The following MYH11 variants were observed in gnomAD, a reference collection of about 807,000 sequenced individuals.
MYH11 encodes the protein myosin-11.
Under a neutral mutation model 246.6 loss-of-function variants are expected in MYH11, and 80 were observed. The ratio of observed to expected loss-of-function variants is 0.32; its 90% CI spans 0.27 to 0.39. MYH11 has a LOEUF of 0.39. Among genes scored for constraint, MYH11 ranks in the 10% least tolerant of loss-of-function variants. The pLI, the probability that MYH11 is intolerant of heterozygous loss-of-function variation, is 1.00. For missense variants in MYH11, 2,158 were observed against 2,546.8 expected (o/e 0.85, Z 3.29); for synonymous variants, 1,071 against 1,015.5 (o/e 1.05, Z -1.04).
In MYH11 at chr16:15,740,143, G is replaced by T; in HGVS notation, c.2905C>A (p.Leu969Met). The stretch of plus-strand genomic sequence containing the variant: ...TCAGCCGTGACCTTCTCAAGTTGCA[G>T]CTTCTGCCTGGCAGCTTCCTCCTCC... ...LEEEEAARQKLQLEKVTAEAK... is the reference protein window; with the variant it reads ...LEEEEAARQKMQLEKVTAEAK... The change falls in exon 23 of 41, where the codon CTG becomes ATG. Residue 969 changes from leucine (L) to methionine (M), a missense_variant. Around this residue, in one of 11 missense-constraint regions of MYH11, gnomAD observed 284 missense variants for 315.4 expected, o/e 0.90. Transcript: ENST00000300036. 6.2e-7 allele frequency: 1 copy of T among 1,614,214 alleles called. No individual in the cohort carries two copies. Among genetic ancestry groups the T allele is most frequent in the Non-Finnish European group, 8.5e-7 (1 of 1,180,028 alleles).
intron 15 of MYH11, among the ~76,000 whole-genome samples, chr16:15,751,649 T>C (rs2041576078): frequency 6.8e-6 from 1 of 146,856 alleles, no homozygotes; most frequent in Non-Finnish European, 1.5e-5. Flanking sequence ...GCTCTCACTC[T>C]GTCGCCCAGC....
chr16:15,766,773 T>G (rs757943214), intron 9 of MYH11, among the ~76,000 whole-genome samples: 4 of 152,144 alleles, frequency 2.6e-5, no homozygotes, highest in Non-Finnish European at 5.9e-5. Flanking sequence ...CTGGTATAGT[T>G]AAATGTAATT....
chr16:15,821,966 A>T (rs547418055), intron 3 of MYH11, among the ~76,000 whole-genome samples: 1 of 151,706 alleles, frequency 6.6e-6, no homozygotes, highest in Non-Finnish European at 1.5e-5. Flanking sequence ...AGGAGCCATC[A>T]CTTTACAACC....
intron 2 of MYH11, among the ~76,000 whole-genome samples, chr16:15,835,733 TG>T (rs1473219488): frequency 1.3e-5 from 2 of 149,894 alleles, no homozygotes; most frequent in Non-Finnish European, 2.9e-5. Flanking sequence ...ACCCACTCCA[TG>T]AAGCTGGTAC....
intron 7 of MYH11, among the ~76,000 whole-genome samples, chr16:15,776,439 G>A (rs1029081023): frequency 6.6e-6 from 1 of 152,156 alleles, no homozygotes; most frequent in Non-Finnish European, 1.5e-5. Flanking sequence ...TAATGGTAAC[G>A]AGATGTTCCC....
intron 9 of MYH11, 148 bp downstream of exon 9, chr16:15,771,421 A>T: frequency 1.0e-6 from 1 of 1,002,010 alleles, no homozygotes; most frequent in Non-Finnish European, 1.4e-6. Flanking sequence ...CCTAGAATAA[A>T]ATTCATTTTC....
At chr16:15,749,953 G>C in intron 16 of MYH11, 185 bp downstream of exon 16, 3 of 706,774 alleles carry the variant, frequency 4.2e-6, no homozygotes, top group Non-Finnish European at 7.0e-6. Flanking sequence ...AAAGTCTCTG[G>C]ATGCATCCTC....
rs577281681 is a variant in MYH11 at position 15,756,952 on chromosome 16, C to A, written c.1576-438G>T. 1.8e-4 allele frequency among the ~76,000 whole-genome samples: 28 copies of A among 151,726 alleles called. No homozygotes were observed. The South Asian group carries it at 3.6e-3, about 19-fold the overall frequency. On this transcript the variant is annotated intron_variant, in intron 13 of 40. Coordinates refer to ENST00000300036, the MANE Select transcript of MYH11 (RefSeq NM_002474.3). The stretch of plus-strand genomic sequence containing the variant: ...TAGCTGGGACTACAGGCGCCTGCCA[C>A]GGCGCCCGGCTGATTTTTTCTATTT...
chr16:15,731,098 G>A (rs60601753), intron 27 of MYH11, among the ~76,000 whole-genome samples: 11,205 of 152,218 alleles, frequency 0.074, 1,020 homozygotes, highest in African/African-American at 0.21. Context: ...TTAGGATTAC[G>A]GGAGGCATGA....
chr16:15,771,456 T>C (rs1395567744), intron 9 of MYH11, 113 bp downstream of exon 9: 8 of 974,500 alleles, frequency 8.2e-6, no homozygotes, highest in Non-Finnish European at 1.2e-5. Context: ...TTTTTTTTAA[T>C]GGAAGGTGGG....
At chr16:15,736,528 C>T (rs1345081980) in intron 25 of MYH11, among the ~76,000 whole-genome samples, 1 of 152,186 alleles carries the variant, frequency 6.6e-6, no homozygotes, top group Non-Finnish European at 1.5e-5. Context: ...ATCCCCCCAC[C>T]TCGGCTTCCC....
At chr16:15,754,642 A>G (rs936950358) in intron 14 of MYH11, among the ~76,000 whole-genome samples, 3 of 152,174 alleles carry the variant, frequency 2.0e-5, no homozygotes, top group African/African-American at 7.2e-5. Flanking sequence ...TGGCTTGGCA[A>G]GTCATACAAT....
At chr16:15,814,052 C>A (rs1216542976) in intron 3 of MYH11, among the ~76,000 whole-genome samples, 2 of 151,404 alleles carry the variant, frequency 1.3e-5, no homozygotes, top group Non-Finnish European at 2.9e-5. Flanking sequence ...GCTGAGGCTG[C>A]AGAATCGCTT....
At chr16:15,772,945 G>A (rs1193481080) in intron 8 of MYH11, among the ~76,000 whole-genome samples, 1 of 152,094 alleles carries the variant, frequency 6.6e-6, no homozygotes, top group Non-Finnish European at 1.5e-5. Context: ...GGGACTGCAG[G>A]AAAACAAGCT....
intron 8 of MYH11, among the ~76,000 whole-genome samples, chr16:15,775,437 ACT>A (rs2042199373): frequency 1.6e-3 from 1 of 636 alleles, no homozygotes; most frequent in Non-Finnish European, 3.4e-3. Flanking sequence ...GCCTGAGCTC[ACT>A]GGTTTATGTG....
chr16:15,769,129 A>G (rs1469258284), intron 9 of MYH11, among the ~76,000 whole-genome samples: 2 of 152,214 alleles, frequency 1.3e-5, no homozygotes, highest in Non-Finnish European at 2.9e-5. Context: ...CCTGGCCAAC[A>G]TGGCGAGACC....
intron 15 of MYH11, among the ~76,000 whole-genome samples, chr16:15,751,900 G>C (rs1005361207): frequency 1.3e-5 from 2 of 152,132 alleles, no homozygotes; most frequent in Non-Finnish European, 2.9e-5. Context: ...CCAGGTTCAA[G>C]CAGTTCTCCT....
intron 11 of MYH11, 110 bp from the exon 12 acceptor site, chr16:15,759,838 T>A (rs1224875186): frequency 2.9e-5 from 41 of 1,398,126 alleles, no homozygotes; most frequent in Admixed American, 1.0e-4. Context: ...TGACTCACAC[T>A]GTAATCCCAG....
At chr16:15,853,385 C>G (rs772323093) in intron 1 of MYH11, among the ~76,000 whole-genome samples, 1 of 152,138 alleles carries the variant, frequency 6.6e-6, no homozygotes, top group Non-Finnish European at 1.5e-5. Context: ...CTCCTGACTT[C>G]AAGCCATCCC....
Sources: allele counts gnomAD v4.1 joint callset (sites outside exome capture counted in the v4.1 genomes callset), GRCh38; gene constraint gnomAD v4.1.1; regional missense constraint gnomAD v4.1.1; transcripts MANE v1.5; gene names NCBI Gene and HGNC (gene_info 2026-07-23, HGNC 2026-07-21).